Variants in DTWD2 observed in about 807,000 individuals in gnomAD.
The protein encoded by DTWD2 is DTW motif tRNA-uridine aminocarboxypropyltransferase 2.
Under a neutral mutation model 31.8 loss-of-function variants are expected in DTWD2, and 39 were observed. The observed-to-expected ratio is 1.22, with a 90% CI of 0.95 to 1.60. DTWD2 has a LOEUF of 1.60. DTWD2 is among the 40% of genes most tolerant of loss of function. The pLI, the probability that DTWD2 is intolerant of heterozygous loss-of-function variation, is 0.00. For missense variants in DTWD2, 515 were observed against 381.5 expected (o/e 1.35, Z -2.92); for synonymous variants, 180 against 142.8 (o/e 1.26, Z -1.86).
At chr5:118,857,049 T>C (rs1752152691) in intron 4 of DTWD2, among the ~76,000 whole-genome samples, 2 of 152,084 alleles carry the variant, frequency 1.3e-5, no homozygotes, top group African/African-American at 2.4e-5. Context: ...AGTGCTGGGA[T>C]TACAGGCATG....
chr5:118,882,959 GT>G (rs1254705322), intron 4 of DTWD2, among the ~76,000 whole-genome samples: 1 of 152,208 alleles, frequency 6.6e-6, no homozygotes, highest in African/African-American at 2.4e-5. Context: ...CAGAAAATGG[GT>G]TTTTGTTTCC....
intron 2 of DTWD2, 50 bp downstream of exon 2, chr5:118,944,509 T>C: frequency 1.3e-6 from 2 of 1,547,214 alleles, no homozygotes; most frequent in Non-Finnish European, 8.9e-7. Context: ...TCGTGTTTCC[T>C]CTTGTGGACT....
At chr5:118,841,535 G>C (rs1441255391) in intron 5 of DTWD2, among the ~76,000 whole-genome samples, 1 of 152,146 alleles carries the variant, frequency 6.6e-6, no homozygotes, top group Non-Finnish European at 1.5e-5. Flanking sequence ...GCAGCAATGG[G>C]TAAACGGTTT....
At chr5:118,914,600 T>C (rs1433986001) in intron 4 of DTWD2, among the ~76,000 whole-genome samples, 1 of 152,124 alleles carries the variant, frequency 6.6e-6, no homozygotes, top group Admixed American at 6.5e-5. Context: ...CACCAACCAA[T>C]CCTGCTCTCA....
At chr5:118,879,092 A>C (rs574949399) in intron 4 of DTWD2, among the ~76,000 whole-genome samples, 1 of 152,292 alleles carries the variant, frequency 6.6e-6, no homozygotes, top group South Asian at 2.1e-4. Flanking sequence ...TGACTCAAAG[A>C]CCTAAAGTCA....
At chr5:118,846,920 GCACACACACACACACACACA>G (rs144531960) in intron 5 of DTWD2, among the ~76,000 whole-genome samples, 2 of 134,984 alleles carry the variant, frequency 1.5e-5, no homozygotes, top group East Asian at 2.5e-4. Context: ...AAACACACAG[GCACACACACACACACACACA>G]CACACACACA....
chr5:118,896,642 A>G (rs760033816), intron 4 of DTWD2, among the ~76,000 whole-genome samples: 4 of 152,252 alleles, frequency 2.6e-5, no homozygotes, highest in Non-Finnish European at 5.9e-5. Context: ...ACTAACACAA[A>G]GTATTTATAA....
intron 1 of DTWD2, among the ~76,000 whole-genome samples, chr5:118,960,930 G>C (rs546448373): frequency 6.6e-6 from 1 of 152,272 alleles, no homozygotes; most frequent in South Asian, 2.1e-4. Context: ...ATTGAGGGTG[G>C]AGGGTGGGAA....
intron 4 of DTWD2, among the ~76,000 whole-genome samples, chr5:118,850,999 C>A (rs934143929): frequency 3.3e-5 from 5 of 152,074 alleles, no homozygotes; most frequent in Admixed American, 6.6e-5. Context: ...GCAATCCCAG[C>A]ACTTTCGGAG....
chr5:118,975,146 C>T (rs1755121829), intron 1 of DTWD2, among the ~76,000 whole-genome samples: 1 of 152,230 alleles, frequency 6.6e-6, no homozygotes. Context: ...TTCTCCCCAT[C>T]ACTTTCACGT....
At chr5:118,876,594 A>T (rs1752627184) in intron 4 of DTWD2, among the ~76,000 whole-genome samples, 1 of 152,236 alleles carries the variant, frequency 6.6e-6, no homozygotes. Context: ...ATCACAGAGT[A>T]GTATGAACAC....
intron 4 of DTWD2, among the ~76,000 whole-genome samples, chr5:118,906,756 A>G (rs1374786078): frequency 6.6e-6 from 1 of 152,188 alleles, no homozygotes; most frequent in Non-Finnish European, 1.5e-5. Context: ...GGATATCTTC[A>G]TTATCTTGAT....
At chr5:118,857,073 G>A (rs973878824) in intron 4 of DTWD2, among the ~76,000 whole-genome samples, 3 of 151,628 alleles carry the variant, frequency 2.0e-5, no homozygotes, top group Non-Finnish European at 4.4e-5. Context: ...CACCGCACCC[G>A]GCAGCTTAGA....
intron 3 of DTWD2, among the ~76,000 whole-genome samples, chr5:118,934,689 A>G (rs1753998491): frequency 6.6e-6 from 1 of 152,186 alleles, no homozygotes; most frequent in Non-Finnish European, 1.5e-5. Context: ...TAGAAGACAA[A>G]TATCACTATG....
At chr5:118,843,432 T>C (rs1751773616) in intron 5 of DTWD2, among the ~76,000 whole-genome samples, 2 of 150,430 alleles carry the variant, frequency 1.3e-5, no homozygotes, top group Non-Finnish European at 2.9e-5. Context: ...CTCTGCACAA[T>C]ATTATTGTAG....
At chr5:118,888,630 A>C (rs1041368439) in intron 4 of DTWD2, among the ~76,000 whole-genome samples, 1 of 152,230 alleles carries the variant, frequency 6.6e-6, no homozygotes. Flanking sequence ...TAGGAGTGAA[A>C]TGGCTGGATC....
chr5:118,967,318 G>C (rs1754874998), intron 1 of DTWD2, among the ~76,000 whole-genome samples: 2 of 152,156 alleles, frequency 1.3e-5, no homozygotes, highest in South Asian at 4.1e-4. Context: ...TATATGCATG[G>C]GTTAGTATAT....
intron 4 of DTWD2, among the ~76,000 whole-genome samples, chr5:118,854,509 A>G (rs1225485558): frequency 6.6e-6 from 1 of 151,492 alleles, no homozygotes; most frequent in African/African-American, 2.4e-5. Context: ...TAGAGCACTC[A>G]TTTAGAAAAA....
intron 4 of DTWD2, among the ~76,000 whole-genome samples, chr5:118,867,409 C>G (rs539243193): frequency 1.3e-5 from 2 of 152,082 alleles, no homozygotes; most frequent in African/African-American, 4.8e-5. Context: ...CATCTGTTCT[C>G]TAATTAATAA....
Sources: gnomAD v4.1 joint callset for allele counts (sites outside exome capture counted in the v4.1 genomes callset) on GRCh38, gnomAD v4.1.1 for gene constraint, MANE v1.5 for transcripts, NCBI Gene and HGNC (gene_info 2026-07-23, HGNC 2026-07-21) for gene names.